Variants in NELL2 observed in about 807,000 individuals in gnomAD.
NELL2 encodes protein kinase C-binding protein NELL2.
In NELL2, 41 loss-of-function variants were observed where a neutral mutation model predicts 109.6. That is an observed-to-expected ratio of 0.37 (90% CI 0.29 to 0.49). NELL2 has a LOEUF of 0.49. NELL2 is among the 20% of genes least tolerant of loss of function. The probability of loss-of-function intolerance (pLI) is 0.98; values close to 1 mark genes in which losing one functional copy is unlikely to be tolerated. For missense variants in NELL2, 900 were observed against 1,008.3 expected (o/e 0.89, Z 1.45); for synonymous variants, 355 against 344.7 (o/e 1.03, Z -0.33).
intron 12 of NELL2, among the ~76,000 whole-genome samples, chr12:44,681,885 C>T (rs1024990403): frequency 1.9e-4 from 29 of 151,666 alleles, no homozygotes; most frequent in Middle Eastern, 6.8e-3. Flanking sequence ...CATACGTGTG[C>T]ATGTGTCTTT....
Position 44,580,922 on chromosome 12 carries a change from A to C in NELL2, c.1663+26247T>G, listed in dbSNP as rs907493435. On this transcript the variant is annotated intron_variant, in intron 15 of 19. Coordinates refer to ENST00000429094, the MANE Select transcript of NELL2 (RefSeq NM_001145108.2). ...TTCAGTTTGAATTTAAATTACTGCAATATTTTAAAATCAGTATAGAAAATA... is the reference window on the plus strand; with the variant it reads ...TTCAGTTTGAATTTAAATTACTGCACTATTTTAAAATCAGTATAGAAAATA... Among the ~76,000 whole-genome samples, 3 of 152,240 alleles carry C rather than the reference A, an allele frequency of 2.0e-5. No individual in the cohort carries two copies. The South Asian group carries it at 6.2e-4, about 32-fold the overall frequency.
intron 13 of NELL2, among the ~76,000 whole-genome samples, chr12:44,651,859 C>T (rs569392347): frequency 1.3e-5 from 2 of 152,128 alleles, no homozygotes; most frequent in African/African-American, 4.8e-5. Context: ...ACTGCTGAAT[C>T]TCAGTGACTA....
At chr12:44,880,895 A>T (rs544444978), upstream of NELL2, 5 of 152,040 alleles carry the variant, frequency 3.3e-5, 1 homozygote, top group East Asian at 9.6e-4. Context: ...AAGCAGTAGG[A>T]GTGGAAAATG....
intron 12 of NELL2, among the ~76,000 whole-genome samples, chr12:44,679,852 A>C (rs1478125525): frequency 6.6e-6 from 1 of 152,118 alleles, no homozygotes; most frequent in Non-Finnish European, 1.5e-5. Flanking sequence ...CCTACATAGT[A>C]TCTTCCCTAA....
At chr12:44,580,360 T>A (rs934827774) in intron 15 of NELL2, among the ~76,000 whole-genome samples, 1 of 152,082 alleles carries the variant, frequency 6.6e-6, no homozygotes, top group African/African-American at 2.4e-5. Context: ...GTCTCACAGA[T>A]CTGTGAGCTC....
In NELL2 at chr12:44,754,923, AC is replaced by A. The variant is rs754329048; in HGVS notation, c.994+19823del. Among the ~76,000 whole-genome samples the A allele has an allele frequency of 3.0e-4, 46 of 152,322 alleles. 1 individual carries two copies. The highest frequency in any genetic ancestry group is 3.2e-4 in the Non-Finnish European group (22 of 68,018). ...ACAACTCTGTGAGGCAGCTAATTCAACAAAAACTCAAATATCTCTTGCTTCT... is the reference window on the plus strand; with the variant it reads ...ACAACTCTGTGAGGCAGCTAATTCAAAAAAACTCAAATATCTCTTGCTTCT... On this transcript the variant is annotated intron_variant, in intron 9 of 19. Coordinates refer to ENST00000429094, the MANE Select transcript of NELL2 (RefSeq NM_001145108.2).
intron 2 of NELL2, among the ~76,000 whole-genome samples, chr12:44,868,055 GGTTGCA>G (rs1408386611): frequency 6.9e-6 from 1 of 144,960 alleles, no homozygotes; most frequent in African/African-American, 2.6e-5. Context: ...AGGAGGCAGA[GGTTGCA>G]GTGAGCCTAG....
At chr12:44,745,289 T>C (rs1355069564) in intron 9 of NELL2, among the ~76,000 whole-genome samples, 2 of 152,156 alleles carry the variant, frequency 1.3e-5, no homozygotes, top group Non-Finnish European at 2.9e-5. Context: ...TAGATATTGA[T>C]GGGACGTATC....
At chr12:44,688,694 T>C (rs1175763512) in intron 12 of NELL2, among the ~76,000 whole-genome samples, 1 of 152,210 alleles carries the variant, frequency 6.6e-6, no homozygotes, top group African/African-American at 2.4e-5. Flanking sequence ...ATTTGATCCA[T>C]ACAAATCCTT....
chr12:44,867,371 G>T (rs558051213), intron 2 of NELL2, among the ~76,000 whole-genome samples: 2 of 152,186 alleles, frequency 1.3e-5, no homozygotes, highest in Admixed American at 1.3e-4. Context: ...CAGAATAAAG[G>T]ACAAAATCCA....
chr12:44,732,238 C>T (rs1007824668), intron 9 of NELL2, among the ~76,000 whole-genome samples: 3 of 151,902 alleles, frequency 2.0e-5, no homozygotes, highest in Non-Finnish European at 4.4e-5. Flanking sequence ...TCATATGGAG[C>T]CATAAAGGAC....
intron 1 of NELL2, among the ~76,000 whole-genome samples, chr12:44,899,521 A>G (rs917892820): frequency 6.6e-6 from 1 of 152,190 alleles, no homozygotes; most frequent in South Asian, 2.1e-4. Context: ...CTAAGCTTCA[A>G]AAGCGAAGGA....
At chr12:44,657,228 A>G (rs1427879412) in intron 13 of NELL2, among the ~76,000 whole-genome samples, 1 of 152,234 alleles carries the variant, frequency 6.6e-6, no homozygotes, top group African/African-American at 2.4e-5. Context: ...TAATTAGCAA[A>G]TTAAACAAGA....
At chr12:44,715,679 T>C (rs1314565868) in intron 9 of NELL2, among the ~76,000 whole-genome samples, 1 of 151,842 alleles carries the variant, frequency 6.6e-6, no homozygotes, top group Admixed American at 6.6e-5. Flanking sequence ...CAGGTCCCCA[T>C]AACATCTAGA....
intron 2 of NELL2, among the ~76,000 whole-genome samples, chr12:44,870,382 A>AT (rs928918514): frequency 1.3e-5 from 2 of 152,132 alleles, no homozygotes; most frequent in African/African-American, 2.4e-5. Context: ...CCACTTCCAT[A>AT]TTTTTTAGGT....
chr12:44,761,178 A>G (rs1014008745), intron 9 of NELL2, among the ~76,000 whole-genome samples: 6 of 152,180 alleles, frequency 3.9e-5, no homozygotes, highest in Non-Finnish European at 7.3e-5. Flanking sequence ...CCTGACTAAC[A>G]TGGAGAAACC....
At chr12:44,678,777 C>T (rs138854216) in intron 12 of NELL2, among the ~76,000 whole-genome samples, 354 of 151,988 alleles carry the variant, frequency 2.3e-3, no homozygotes, top group African/African-American at 8.1e-3. Flanking sequence ...TGCCTAGAAG[C>T]CAAGCAAAAT....
intron 2 of NELL2, among the ~76,000 whole-genome samples, chr12:44,872,072 T>G (rs1018963403): frequency 1.3e-5 from 2 of 152,146 alleles, no homozygotes; most frequent in Non-Finnish European, 2.9e-5. Context: ...TGATCCCTCA[T>G]GTACAGAGAG....
At chr12:44,631,709 A>T (rs1250061766) in intron 13 of NELL2, among the ~76,000 whole-genome samples, 1 of 152,092 alleles carries the variant, frequency 6.6e-6, no homozygotes, top group Non-Finnish European at 1.5e-5. Context: ...AAAAAAGTAG[A>T]TTCTATGAAG....
Sources: gnomAD v4.1 joint callset for allele counts (sites outside exome capture counted in the v4.1 genomes callset) on GRCh38, gnomAD v4.1.1 for gene constraint, MANE v1.5 for transcripts, NCBI Gene and HGNC (gene_info 2026-07-23, HGNC 2026-07-21) for gene names.